The following TP63 variants were observed in gnomAD, a reference collection of about 807,000 sequenced individuals.
The protein encoded by TP63 is tumor protein 63.
In TP63, 17 loss-of-function variants were observed where a neutral mutation model predicts 82.8. The observed-to-expected ratio is 0.21, with a 90% CI of 0.14 to 0.31. The LOEUF (loss-of-function observed/expected upper bound fraction) is 0.31. Ranked by LOEUF, TP63 falls within the 10% of genes least tolerant of loss-of-function variation. The probability of loss-of-function intolerance (pLI) is 1.00; values close to 1 mark genes in which losing one functional copy is unlikely to be tolerated. For synonymous variants in TP63, 330 were observed against 321.7 expected (o/e 1.03, Z -0.28); for missense variants, 648 against 895.3 (o/e 0.72, Z 3.52).
intron 1 of TP63, among the ~76,000 whole-genome samples, chr3:189,648,398 T>A (rs1029504755): frequency 1.4e-5 from 2 of 147,272 alleles, no homozygotes; most frequent in Non-Finnish European, 3.0e-5. Context: ...CAGACATTTG[T>A]CTACTTTGTG....
intron 4 of TP63, among the ~76,000 whole-genome samples, chr3:189,837,711 T>G (rs1310334693): frequency 1.3e-5 from 2 of 152,154 alleles, no homozygotes; most frequent in Non-Finnish European, 2.9e-5. Flanking sequence ...AGTGCAGTGG[T>G]GCAATCATGG....
At chr3:189,683,041 A>C (rs1716116561) in intron 1 of TP63, among the ~76,000 whole-genome samples, 1 of 152,206 alleles carries the variant, frequency 6.6e-6, no homozygotes, top group Non-Finnish European at 1.5e-5. Flanking sequence ...TCCATTATAC[A>C]GATGAGGAAA....
At chr3:189,658,566 C>T (rs1273618663) in intron 1 of TP63, among the ~76,000 whole-genome samples, 1 of 151,938 alleles carries the variant, frequency 6.6e-6, no homozygotes, top group Non-Finnish European at 1.5e-5. Flanking sequence ...GGCTTTGATC[C>T]CCCTTGGTTT....
chr3:189,835,559 G>A lies in TP63; in HGVS notation c.579+27033G>A, dbSNP rs200039597. Reference sequence around the variant, plus strand: ...CATTCTTACCGAAGGCTCAGTTCCTGTCCTGTCAGCAACTGTTTGCCTACA... The same window carrying A: ...CATTCTTACCGAAGGCTCAGTTCCTATCCTGTCAGCAACTGTTTGCCTACA... On this transcript the variant is annotated intron_variant, in intron 4 of 13. Coordinates refer to ENST00000264731, the MANE Select transcript of TP63 (RefSeq NM_003722.5). Among the ~76,000 whole-genome samples, 22 of 152,260 alleles carry A rather than the reference G, an allele frequency of 1.4e-4. No homozygotes were observed. In the East Asian group the frequency reaches 3.7e-3, roughly 25 times the overall value.
At chr3:189,810,901 A>G (rs1727486952) in intron 4 of TP63, among the ~76,000 whole-genome samples, 2 of 151,974 alleles carry the variant, frequency 1.3e-5, no homozygotes, top group African/African-American at 4.8e-5. Flanking sequence ...GGTTTAGCAT[A>G]ATCCTAAACC....
intron 6 of TP63, among the ~76,000 whole-genome samples, chr3:189,867,000 A>G (rs1351632582): frequency 6.6e-6 from 1 of 152,190 alleles, no homozygotes; most frequent in Non-Finnish European, 1.5e-5. Context: ...CACTGAATCA[A>G]CTTGGTAACA....
intron 10 of TP63, chr3:189,880,080 T>C: frequency 6.2e-7 from 1 of 1,613,894 alleles, no homozygotes; most frequent in South Asian, 1.1e-5. Context: ...TTCAGCCTGC[T>C]TCAGGAATGA....
At chr3:189,852,153 A>G (rs1560259263) in intron 4 of TP63, among the ~76,000 whole-genome samples, 1 of 152,246 alleles carries the variant, frequency 6.6e-6, no homozygotes, top group Non-Finnish European at 1.5e-5. Flanking sequence ...CTAGTCCAAT[A>G]AATAAATGAT....
At chr3:189,596,953 A>G in the TP63 span, among the ~76,000 whole-genome samples, 5 of 151,988 alleles carry the variant, frequency 3.3e-5, no homozygotes, top group Admixed American at 6.5e-5. Flanking sequence ...CGCCTTAAGA[A>G]CTTCAACACT....
intron 3 of TP63, among the ~76,000 whole-genome samples, chr3:189,783,036 G>A (rs890636170): frequency 1.3e-5 from 2 of 151,876 alleles, no homozygotes; most frequent in Non-Finnish European, 2.9e-5. Flanking sequence ...TTATATGATA[G>A]TGTATTTTAA....
chr3:189,676,687 C>T (rs1577221264), intron 1 of TP63, among the ~76,000 whole-genome samples: 1 of 151,978 alleles, frequency 6.6e-6, no homozygotes, highest in South Asian at 2.1e-4. Context: ...GTCTAGCCAT[C>T]ACCCGAATAG....
At chr3:189,761,264 T>G (rs980671201) in intron 3 of TP63, among the ~76,000 whole-genome samples, 3 of 152,196 alleles carry the variant, frequency 2.0e-5, no homozygotes, top group Non-Finnish European at 2.9e-5. Flanking sequence ...GGCTGCAAAT[T>G]TTCCAAACTT....
chr3:189,736,265 TAA>T (rs1720588984), intron 1 of TP63, among the ~76,000 whole-genome samples: 1 of 151,766 alleles, frequency 6.6e-6, no homozygotes, highest in South Asian at 2.1e-4. Context: ...ACATAGCATA[TAA>T]GTTTCTTCTT....
At chr3:189,692,314 T>A (rs74364260) in intron 1 of TP63, among the ~76,000 whole-genome samples, 2,329 of 152,146 alleles carry the variant, frequency 0.015, 51 homozygotes, top group African/African-American at 0.054. Flanking sequence ...TTTTATTTTC[T>A]CCTCTTTCCC....
rs550877642 is a variant in TP63 at position 189,851,339 on chromosome 3, G to A, written c.580-12893G>A. ...TTTGGGAGGCCGAGGCAGGTAGATC[G>A]CTTGAGCCCAAAGAGTGAGAGACCA... On this transcript the variant is annotated intron_variant, in intron 4 of 13. Coordinates refer to ENST00000264731, the MANE Select transcript of TP63 (RefSeq NM_003722.5). Among the ~76,000 whole-genome samples the A allele has an allele frequency of 7.2e-5, 11 of 152,166 alleles. No homozygotes were observed. The South Asian group carries it at 8.3e-4, about 11-fold the overall frequency.
intron 4 of TP63, chr3:189,844,338 AT>A: frequency 9.9e-6 from 4 of 404,766 alleles, no homozygotes; most frequent in East Asian, 8.6e-5. Context: ...CGCCCAGCTA[AT>A]TTTTGGCACG....
At chr3:189,714,931 C>A (rs1026736616) in intron 1 of TP63, among the ~76,000 whole-genome samples, 14 of 152,122 alleles carry the variant, frequency 9.2e-5, no homozygotes, top group Non-Finnish European at 5.9e-5. Flanking sequence ...CAGTACTGTA[C>A]GTTCAGCAAA....
At chr3:189,669,929 A>C (rs1296153354) in intron 1 of TP63, among the ~76,000 whole-genome samples, 1 of 152,068 alleles carries the variant, frequency 6.6e-6, no homozygotes, top group African/African-American at 2.4e-5. Context: ...TGGCTATATC[A>C]ATGTTTGCAT....
chr3:189,697,566 C>T (rs566099394), intron 1 of TP63, among the ~76,000 whole-genome samples: 2 of 151,580 alleles, frequency 1.3e-5, no homozygotes, highest in Non-Finnish European at 2.9e-5. Flanking sequence ...AGTGAGTTTG[C>T]CAATATCTCA....
Sources: gnomAD v4.1 joint callset for allele counts (sites outside exome capture counted in the v4.1 genomes callset) on GRCh38, gnomAD v4.1.1 for gene constraint, MANE v1.5 for transcripts, NCBI Gene and HGNC (gene_info 2026-07-23, HGNC 2026-07-21) for gene names.